PKD1L1: variants seen among roughly 807,000 people sequenced by gnomAD.
PKD1L1 encodes the protein polycystin-1-like protein 1.
Under a neutral mutation model 323.4 loss-of-function variants are expected in PKD1L1, and 236 were observed. That is an observed-to-expected ratio of 0.73 (90% CI 0.66 to 0.81). The LOEUF is 0.81. Ranked by LOEUF, PKD1L1 falls within the 40% of genes least tolerant of loss-of-function variation. The pLI is 0.00. For missense variants in PKD1L1, 3,320 were observed against 3,508.0 expected, an observed-to-expected ratio of 0.95 and a Z score of 1.35; for synonymous variants, 1,344 against 1,335.0, an observed-to-expected ratio of 1.01 and a Z score of -0.15.
At chr7:47,949,368 C>CAAAAAAAAAAA (rs58131581), upstream of PKD1L1, among the ~76,000 whole-genome samples, 7,149 of 56,898 alleles carry the variant, frequency 0.13, 1,923 homozygotes, top group Non-Finnish European at 0.16. Flanking sequence ...GGCTCTGTCT[C>CAAAAAAAAAAA]AAAAAAAAAA....
intron 4 of PKD1L1, among the ~76,000 whole-genome samples, chr7:47,934,494 T>A (rs1427104069): frequency 6.6e-6 from 1 of 152,212 alleles, no homozygotes; most frequent in Non-Finnish European, 1.5e-5. Flanking sequence ...TAATGTGACA[T>A]ATTTTTAGTC....
chr7:47,806,628 C>T (rs952173207), intron 52 of PKD1L1, among the ~76,000 whole-genome samples: 1 of 152,218 alleles, frequency 6.6e-6, no homozygotes, highest in Non-Finnish European at 1.5e-5. Flanking sequence ...CAGTTTCCAG[C>T]CTTGTGGGGG....
At chr7:47,882,755 G>A (rs1786592353) in intron 19 of PKD1L1, among the ~76,000 whole-genome samples, 1 of 152,144 alleles carries the variant, frequency 6.6e-6, no homozygotes, top group African/African-American at 2.4e-5. Context: ...CATCATGCTG[G>A]GTGCACAGCC....
intron 21 of PKD1L1, among the ~76,000 whole-genome samples, chr7:47,879,916 G>A (rs1483308269): frequency 4.8e-5 from 7 of 147,106 alleles, no homozygotes; most frequent in Admixed American, 4.1e-4. Context: ...CTGGGCAACA[G>A]AGGGACTCCG....
At chr7:47,865,423 A>G (rs889161993) in intron 25 of PKD1L1, 151 bp from the exon 26 acceptor site, 2 of 652,434 alleles carry the variant, frequency 3.1e-6, no homozygotes, top group African/African-American at 3.7e-5. Flanking sequence ...GACCTTCTGT[A>G]CAGAGACCAT....
intron 6 of PKD1L1, among the ~76,000 whole-genome samples, chr7:47,930,788 T>A (rs2128755683): frequency 6.6e-6 from 1 of 151,856 alleles, no homozygotes; most frequent in South Asian, 2.1e-4. Flanking sequence ...GCACTCCAGC[T>A]TGGGTGACAG....
intron 56 of PKD1L1, among the ~76,000 whole-genome samples, chr7:47,789,600 A>G (rs937629583): frequency 2.0e-5 from 3 of 151,936 alleles, no homozygotes; most frequent in African/African-American, 7.3e-5. Context: ...AATTTTTCCT[A>G]TTTGAGCTGA....
At chr7:47,810,155 G>C (rs1784864162) in intron 50 of PKD1L1, among the ~76,000 whole-genome samples, 2 of 152,066 alleles carry the variant, frequency 1.3e-5, no homozygotes, top group Non-Finnish European at 2.9e-5. Context: ...CATCAGCAGG[G>C]CTTTATGCAT....
chr7:47,912,637 G>A (rs1787344542), intron 8 of PKD1L1, among the ~76,000 whole-genome samples: 2 of 151,758 alleles, frequency 1.3e-5, no homozygotes, highest in African/African-American at 4.8e-5. Context: ...CCTTCATGGT[G>A]AAATGCCATC....
At chr7:47,842,776 C>T (rs1264473165) in intron 34 of PKD1L1, among the ~76,000 whole-genome samples, 186 bp downstream of exon 34, 1 of 152,178 alleles carries the variant, frequency 6.6e-6, no homozygotes, top group Non-Finnish European at 1.5e-5. Flanking sequence ...AAGGGGTCTG[C>T]TCTTCACCCT....
chr7:47,873,830 G>C, intron 24 of PKD1L1, 69 bp downstream of exon 24: 1 of 1,210,204 alleles, frequency 8.3e-7, no homozygotes, highest in East Asian at 2.4e-5. Context: ...TTAACAACTT[G>C]GGGGAGAGCC....
At chr7:47,892,195 T>C (rs183567741) in intron 15 of PKD1L1, among the ~76,000 whole-genome samples, 20 of 152,208 alleles carry the variant, frequency 1.3e-4, no homozygotes, top group Admixed American at 3.3e-4. Context: ...ATCTGTCATT[T>C]TGGAGTCTCA....
intron 43 of PKD1L1, 47 bp from the exon 44 acceptor site, chr7:47,829,648 T>TGGAA: frequency 6.5e-7 from 1 of 1,540,248 alleles, no homozygotes; most frequent in Non-Finnish European, 8.7e-7. Flanking sequence ...TATGTCTGTG[T>TGGAA]TCATTCCACA....
intron 8 of PKD1L1, among the ~76,000 whole-genome samples, chr7:47,914,281 T>C (rs1480552577): frequency 1.3e-5 from 2 of 152,084 alleles, no homozygotes; most frequent in Admixed American, 6.5e-5. Flanking sequence ...TAATGTAAAA[T>C]ATGACAAACA....
intron 40 of PKD1L1, 101 bp from the exon 41 acceptor site, chr7:47,833,353 C>A (rs761538292): frequency 1.2e-4 from 158 of 1,344,940 alleles, no homozygotes; most frequent in Middle Eastern, 6.6e-4. Flanking sequence ...AGAGGACAGG[C>A]CTGGCATGGG....
chr7:47,854,668 A>C (rs1162848104), intron 30 of PKD1L1, among the ~76,000 whole-genome samples: 7 of 152,194 alleles, frequency 4.6e-5, no homozygotes, highest in Non-Finnish European at 8.8e-5. Flanking sequence ...AATGCTTCTC[A>C]CTCTAATAAT....
chr7:47,893,229 C>CAAAA (rs529686945), intron 15 of PKD1L1, among the ~76,000 whole-genome samples: 2 of 53,020 alleles, frequency 3.8e-5, no homozygotes, highest in Non-Finnish European at 8.3e-5. Context: ...GACCCTATCT[C>CAAAA]AAAAAAAAAA....
chr7:47,791,444 C>T (rs1325505318), intron 56 of PKD1L1, among the ~76,000 whole-genome samples: 8 of 144,148 alleles, frequency 5.5e-5, no homozygotes, highest in South Asian at 2.3e-4. Flanking sequence ...TGGCTTCAAA[C>T]TGTCATTTCA....
rs1785413020 is a variant in PKD1L1, at chr7:47,834,404, A to C, written c.6128-19T>G. ...TTAGGACCTGATTCAAAAAAATAAA[A>C]ATCCAATGTACGATGCTTTGGGGTG... is the stretch of plus-strand genomic sequence containing the variant. On this transcript the variant is annotated intron_variant, in intron 39 of 56. Transcript: ENST00000289672. The C allele has an allele frequency of 1.2e-6, 2 of 1,610,058 alleles. No homozygotes were observed. The highest frequency in any genetic ancestry group is 8.5e-7 in the Non-Finnish European group (1 of 1,176,466).
Sources: gnomAD v4.1 joint callset for allele counts (sites outside exome capture counted in the v4.1 genomes callset) on GRCh38, gnomAD v4.1.1 for gene constraint, MANE v1.5 for transcripts, NCBI Gene and HGNC (gene_info 2026-07-23, HGNC 2026-07-21) for gene names.